CSNK1E: variants seen among roughly 807,000 people sequenced by gnomAD.
CSNK1E encodes casein kinase I isoform epsilon.
Under a neutral mutation model 46.1 loss-of-function variants are expected in CSNK1E, and 17 were observed. The observed-to-expected ratio is 0.37, with a 90% CI of 0.25 to 0.55. CSNK1E has a LOEUF of 0.55. Among genes scored for constraint, CSNK1E ranks in the 20% least tolerant of loss-of-function variants. CSNK1E has a pLI of 0.82. For missense variants in CSNK1E, 386 were observed against 595.4 expected, an observed-to-expected ratio of 0.65 and a Z score of 3.66; for synonymous variants, 241 against 242.6, an observed-to-expected ratio of 0.99 and a Z score of 0.06.
rs2092752734 is a variant in CSNK1E at position 38,317,340 on chromosome 22, T to C, written c.-193A>G. ...CTCGGCCCCGGCCGGGCTCTGGCTC[T>C]GGGCTCTCGCCGCCGCCGCCGCCGC... is the stretch of plus-strand genomic sequence containing the variant. On this transcript the variant is annotated 5_prime_UTR_variant, in exon 1 of 11. Transcript: ENST00000396832. 3 of 140,260 alleles carry C rather than the reference T, an allele frequency of 2.1e-5. No homozygotes were observed. The highest frequency in any genetic ancestry group is 3.0e-5 in the Non-Finnish European group (2 of 66,574). 8.7% of individuals were successfully genotyped at this position (140,260 alleles called of 1,614,324 possible). A position where few individuals can be genotyped will look rare whatever the true frequency, so the allele number is the denominator to read the frequency against.
At chr22:38,297,452 C>G (rs755909290) in intron 7 of CSNK1E, 1 of 632,908 alleles carries the variant, frequency 1.6e-6, no homozygotes, top group Non-Finnish European at 2.2e-6. Context: ...TCTGCCTGAC[C>G]TCTGTGTTAC....
At position 38,300,516 on chromosome 22, in the gene CSNK1E, C is replaced by T. The variant is rs554805974; in HGVS notation, c.565+208G>A. On this transcript the variant is annotated intron_variant, in intron 5 of 10. Coordinates refer to ENST00000396832, the MANE Select transcript of CSNK1E (RefSeq NM_152221.3). The surrounding 1 kb of genome is among the most constrained non-coding windows in gnomAD (Gnocchi z 4.4). The stretch of plus-strand genomic sequence containing the variant: ...AGGAAGCAGGGCCAGGGAAGGCGCC[C>T]GGCACACACAGCTTGGCTTACGAAG... Among the ~76,000 whole-genome samples the T allele has an allele frequency of 1.2e-4, 19 of 152,344 alleles. No individual in the cohort carries two copies. The highest frequency in any genetic ancestry group is 7.7e-4 in the East Asian group (4 of 5,186).
intron 1 of CSNK1E, among the ~76,000 whole-genome samples, chr22:38,315,305 A>AGATG (rs2092739419): frequency 6.6e-6 from 1 of 152,200 alleles, no homozygotes; most frequent in Non-Finnish European, 1.5e-5. Flanking sequence ...CCTGGGAGGG[A>AGATG]GATGGATTCC....
intron 7 of CSNK1E, among the ~76,000 whole-genome samples, chr22:38,296,033 C>G (rs564510655): frequency 6.6e-6 from 1 of 152,352 alleles, no homozygotes; most frequent in East Asian, 1.9e-4. Flanking sequence ...GATACAGAGG[C>G]TGAGTGACTC....
intron 7 of CSNK1E, chr22:38,296,476 A>T: frequency 6.4e-7 from 1 of 1,553,816 alleles, no homozygotes; most frequent in East Asian, 2.3e-5. Flanking sequence ...CTCAGGGTGA[A>T]GGTTCCCATT....
At chr22:38,299,501 C>T (rs757875535) in intron 6 of CSNK1E, among the ~76,000 whole-genome samples, 36 of 152,282 alleles carry the variant, frequency 2.4e-4, no homozygotes, top group Non-Finnish European at 4.1e-4. Context: ...GTGCCAAGGG[C>T]TGTGGGGCAG....
chr22:38,303,865 G>A lies in CSNK1E; in HGVS notation c.77-617C>T, dbSNP rs2092686494. 6.6e-6 allele frequency among the ~76,000 whole-genome samples: 1 copy of A among 152,136 alleles called. No homozygotes were observed. The highest frequency in any genetic ancestry group is 2.4e-5 in the African/African-American group (1 of 41,414). On this transcript the variant is annotated intron_variant, in intron 2 of 10. Coordinates refer to ENST00000396832, the MANE Select transcript of CSNK1E (RefSeq NM_152221.3). The surrounding 1 kb of genome is among the most constrained non-coding windows in gnomAD (Gnocchi z 4.7). ...AAGGTCACCTGACCTGTAAATGGCG[G>A]CCTTGAGATCAACCCCGGCTCTGCT...
At chr22:38,315,560 G>A (rs924810689) in intron 1 of CSNK1E, among the ~76,000 whole-genome samples, 2 of 151,942 alleles carry the variant, frequency 1.3e-5, no homozygotes, top group African/African-American at 2.4e-5. Flanking sequence ...GTACACACAC[G>A]TCCAGCTTCC....
In CSNK1E at chr22:38,293,113, C is replaced by T. The variant is rs1028031491; in HGVS notation, c.*32+142G>A. The T allele has an allele frequency of 2.4e-5, 17 of 713,820 alleles. No individual in the cohort carries two copies. In the East Asian group the frequency reaches 2.5e-4, roughly 11 times the overall value. 44.2% of individuals were successfully genotyped at this position (713,820 alleles called of 1,614,324 possible). The stretch of plus-strand genomic sequence containing the variant: ...CTCCGAGGTTTTAAACTACTTGAGG[C>T]CCCTTAGAGTTCTGGGGCGCCTGGT... On this transcript the variant is annotated intron_variant, in intron 10 of 10. Transcript: ENST00000396832.
intron 2 of CSNK1E, among the ~76,000 whole-genome samples, chr22:38,308,047 T>C (rs1483914786): frequency 6.6e-6 from 1 of 152,080 alleles, no homozygotes; most frequent in Non-Finnish European, 1.5e-5. Flanking sequence ...TGGGGTAAGG[T>C]CCTATCTCCT....
At chr22:38,302,819 C>G (rs763588723) in intron 4 of CSNK1E, 42 bp downstream of exon 4, 1 of 1,609,504 alleles carries the variant, frequency 6.2e-7, no homozygotes, top group South Asian at 1.1e-5. Context: ...GTATCCTGGG[C>G]CCACAGGCAT....
intron 2 of CSNK1E, among the ~76,000 whole-genome samples, chr22:38,304,595 GGC>G (rs2092689714): frequency 6.6e-6 from 1 of 152,136 alleles, no homozygotes; most frequent in African/African-American, 2.4e-5. Flanking sequence ...CAGGAACAGT[GGC>G]GCAGTCACCA....
At chr22:38,308,382 C>G (rs2092707358) in intron 2 of CSNK1E, among the ~76,000 whole-genome samples, 1 of 151,892 alleles carries the variant, frequency 6.6e-6, no homozygotes, top group African/African-American at 2.4e-5. Flanking sequence ...TCCTTAGAGT[C>G]CCCTGGCCAT....
Position 38,309,036 on chromosome 22 carries a change from T to C in CSNK1E, c.76+5046A>G, listed in dbSNP as rs772348912. Among the ~76,000 whole-genome samples the C allele has an allele frequency of 3.3e-5, 5 of 152,238 alleles. No individual in the cohort carries two copies. Among genetic ancestry groups the C allele is most frequent in the Non-Finnish European group, 1.5e-5 (1 of 68,044 alleles). On this transcript the variant is annotated intron_variant, in intron 2 of 10. Transcript: ENST00000396832. This position sits in a 1 kb window ranked among gnomAD's most constrained non-coding sequence, Gnocchi z 4.8. The stretch of plus-strand genomic sequence containing the variant: ...GACACTGGAGCTGGAGAATTCCTGG[T>C]TGTGGGGCTGCCCTGGGCACTGCAC...
chr22:38,297,033 C>A, intron 7 of CSNK1E: 1 of 720,128 alleles, frequency 1.4e-6, no homozygotes. Context: ...TATGGCCTCC[C>A]AAAGTGCTGG....
intron 4 of CSNK1E, among the ~76,000 whole-genome samples, chr22:38,302,198 T>C (rs1009719247): frequency 6.6e-6 from 1 of 152,020 alleles, no homozygotes; most frequent in African/African-American, 2.4e-5. Context: ...ACCGCAGGCT[T>C]TACATTACCC....
intron 2 of CSNK1E, among the ~76,000 whole-genome samples, chr22:38,311,191 C>A (rs955598064): frequency 1.3e-5 from 2 of 152,186 alleles, no homozygotes; most frequent in Non-Finnish European, 2.9e-5. Context: ...ATTTTACACG[C>A]CACGACCTCA....
At chr22:38,310,936 C>T (rs747520147) in intron 2 of CSNK1E, among the ~76,000 whole-genome samples, 1 of 152,196 alleles carries the variant, frequency 6.6e-6, no homozygotes, top group South Asian at 2.1e-4. Flanking sequence ...GGACGCCCTA[C>T]AATCACCACT....
intron 7 of CSNK1E, chr22:38,296,630 A>AG: frequency 6.2e-7 from 1 of 1,612,838 alleles, no homozygotes; most frequent in South Asian, 1.1e-5. Flanking sequence ...CTGCCTCAAG[A>AG]GGGACTTCCA....
Sources: allele counts gnomAD v4.1 joint callset (sites outside exome capture counted in the v4.1 genomes callset), GRCh38; gene constraint gnomAD v4.1.1; non-coding constraint Gnocchi (gnomAD v3.1); transcripts MANE v1.5; gene names NCBI Gene and HGNC (gene_info 2026-07-23, HGNC 2026-07-21).